SYNPO: variants seen among roughly 807,000 people sequenced by gnomAD.
SYNPO encodes synaptopodin.
In SYNPO, 19 loss-of-function variants were observed where a neutral mutation model predicts 49.5. The observed-to-expected ratio is 0.38, with a 90% CI of 0.27 to 0.56. The LOEUF (loss-of-function observed/expected upper bound fraction) is 0.56, where lower values mean the gene tolerates loss of function less well. Ranked by LOEUF, SYNPO falls within the 20% of genes least tolerant of loss-of-function variation. The pLI is 0.68. For synonymous variants in SYNPO, 536 were observed against 548.0 expected, an observed-to-expected ratio of 0.98 and a Z score of 0.31; for missense variants, 1,131 against 1,248.3, an observed-to-expected ratio of 0.91 and a Z score of 1.42.
intron 1 of SYNPO, among the ~76,000 whole-genome samples, chr5:150,604,567 C>T (rs1005777909): frequency 3.3e-5 from 5 of 151,932 alleles, no homozygotes; most frequent in East Asian, 1.9e-4. Context: ...TAACTTTAGG[C>T]GAGGAAAAAC....
At chr5:150,634,476 G>A (rs1757642612) in intron 2 of SYNPO, among the ~76,000 whole-genome samples, 1 of 152,146 alleles carries the variant, frequency 6.6e-6, no homozygotes, top group South Asian at 2.1e-4. Flanking sequence ...ATGGTGCTAT[G>A]GTAGGCATTT....
chr5:150,592,089 C>T, the SYNPO span, among the ~76,000 whole-genome samples: 2 of 152,012 alleles, frequency 1.3e-5, no homozygotes, highest in Non-Finnish European at 2.9e-5. Flanking sequence ...TGCTTGAACC[C>T]GGGAGACGGA....
At chr5:150,621,167 G>A (rs960099980) in intron 2 of SYNPO, among the ~76,000 whole-genome samples, 1 of 151,944 alleles carries the variant, frequency 6.6e-6, no homozygotes, top group South Asian at 2.1e-4. Flanking sequence ...TGGCCAGGCT[G>A]GCCTCGAACT....
the SYNPO span, among the ~76,000 whole-genome samples, chr5:150,593,438 A>G: frequency 3.9e-5 from 6 of 152,220 alleles, no homozygotes; most frequent in South Asian, 8.3e-4. Context: ...TCTATTTTAT[A>G]TATTCCAGAA....
At chr5:150,650,459 A>T (rs913746215) in intron 2 of SYNPO, 156 bp downstream of exon 2, 1 of 1,523,540 alleles carries the variant, frequency 6.6e-7, no homozygotes, top group Admixed American at 2.0e-5. Context: ...TCAAGGTCAG[A>T]TGCGGCCACC....
At chr5:150,618,314 C>G (rs1757037606) in exon 2 of SYNPO, 2 of 1,508,496 alleles carry the variant, frequency 1.3e-6, no homozygotes, top group Admixed American at 2.2e-5. Flanking sequence ...CAGCCCAGGC[C>G]CTGGCCCAGG....
At position 150,649,405 on chromosome 5, in the gene SYNPO, G is replaced by A. The variant is rs745691549; in HGVS notation, c.1130G>A (p.Arg377His). Reference protein sequence around the residue: ...LEESMARRGSRKSMFTFVEKP... With the variant: ...LEESMARRGSHKSMFTFVEKP... ...GAGTCGATGGCCCGCCGGGGCAGCC[G>A]CAAATCCATGTTTACTTTCGTGGAG... is the stretch of plus-strand genomic sequence containing the variant. Residue 377 changes from arginine (R) to histidine (H), a missense_variant, in exon 2 of 3, where the codon CGC becomes CAC. Arg to His is a conservative substitution (Grantham distance 29). Transcript: ENST00000307662. 146 of 1,614,200 alleles carry A rather than the reference G, an allele frequency of 9.0e-5. 1 individual carries two copies. The highest frequency in any genetic ancestry group is 4.3e-4 in the South Asian group (39 of 91,084).
intron 2 of SYNPO, chr5:150,651,409 G>C: frequency 1.0e-6 from 1 of 1,000,462 alleles, no homozygotes; most frequent in Non-Finnish European, 1.2e-6. Flanking sequence ...CAATCTGTGA[G>C]GATTGAGAGG....
At chr5:150,631,973 C>G (rs906107364) in intron 2 of SYNPO, among the ~76,000 whole-genome samples, 3 of 152,130 alleles carry the variant, frequency 2.0e-5, no homozygotes, top group African/African-American at 7.2e-5. Flanking sequence ...AAGGCCGCCC[C>G]AGACCTACTT....
the SYNPO span, among the ~76,000 whole-genome samples, chr5:150,588,381 C>T: frequency 0.067 from 10,148 of 152,254 alleles, 1,094 homozygotes; most frequent in African/African-American, 0.23. Flanking sequence ...CCCTGGACTT[C>T]TGCAACCCCA....
chr5:150,593,825 G>A, the SYNPO span, among the ~76,000 whole-genome samples: 1 of 152,218 alleles, frequency 6.6e-6, no homozygotes, highest in African/African-American at 2.4e-5. Context: ...GGCTGGAACT[G>A]TGATAAGAAT....
chr5:150,630,343 G>T (rs1415057982), intron 2 of SYNPO, among the ~76,000 whole-genome samples: 1 of 152,194 alleles, frequency 6.6e-6, no homozygotes, highest in African/African-American at 2.4e-5. Context: ...GGTCACACAG[G>T]CAGAGGACAC....
intron 1 of SYNPO, among the ~76,000 whole-genome samples, chr5:150,603,165 A>C (rs1756596528): frequency 6.6e-6 from 1 of 152,216 alleles, no homozygotes; most frequent in Non-Finnish European, 1.5e-5. Flanking sequence ...TTTGGGAAAG[A>C]GATTGTCCCC....
the SYNPO span, among the ~76,000 whole-genome samples, chr5:150,593,480 G>C: frequency 6.6e-6 from 1 of 151,384 alleles, no homozygotes; most frequent in East Asian, 1.9e-4. Context: ...TATTTTTTTT[G>C]AGACAGGGTC....
Position 150,650,306 on chromosome 5 carries a change from G to A in SYNPO, c.2028+3G>A. On this transcript the variant is annotated splice_donor_region_variant and intron_variant, in intron 2 of 2. Coordinates refer to ENST00000307662, the MANE Select transcript of SYNPO (RefSeq NM_007286.6). ...GGAACGCCGGGATCGAGGCTCAGGTGTGGAAGCCTTCCTTCTGCTTCAAGT... is the reference window on the plus strand; with the variant it reads ...GGAACGCCGGGATCGAGGCTCAGGTATGGAAGCCTTCCTTCTGCTTCAAGT... The A allele has an allele frequency of 6.2e-7, 1 of 1,614,140 alleles. No homozygotes were observed. The highest frequency in any genetic ancestry group is 8.5e-7 in the Non-Finnish European group (1 of 1,180,026).
chr5:150,632,874 C>G (rs1043248064), intron 2 of SYNPO, among the ~76,000 whole-genome samples: 4 of 152,162 alleles, frequency 2.6e-5, no homozygotes, highest in Admixed American at 6.5e-5. Flanking sequence ...GAACACCGCC[C>G]TCCTAGCGTG....
Position 150,651,264 on chromosome 5 carries a change from G to T in SYNPO, c.2028+961G>T, listed in dbSNP as rs1758373629. The stretch of plus-strand genomic sequence containing the variant: ...GAAGCCACCTCAGCGCAGTGGAACG[G>T]GGCCCAGGGGGAGGCAGGAGAGGAG... On this transcript the variant is annotated intron_variant, in intron 2 of 2. Coordinates refer to ENST00000307662, the MANE Select transcript of SYNPO (RefSeq NM_007286.6). 3 of 1,001,424 alleles carry T rather than the reference G, an allele frequency of 3.0e-6. No homozygotes were observed. In the South Asian group the frequency reaches 1.4e-4, roughly 47 times the overall value. The allele number at this position is 1,001,424 out of a possible 1,614,324, so 62.0% of individuals were successfully genotyped here. A position where few individuals can be genotyped will look rare whatever the true frequency, so the allele number is the denominator to read the frequency against.
chr5:150,635,664 T>C (rs548252273), upstream of SYNPO, among the ~76,000 whole-genome samples: 1 of 152,328 alleles, frequency 6.6e-6, no homozygotes, highest in South Asian at 2.1e-4. Flanking sequence ...GGTTTCACCA[T>C]GTTGGCCAGG....
the SYNPO span, among the ~76,000 whole-genome samples, chr5:150,594,584 C>T: frequency 6.6e-6 from 1 of 152,176 alleles, no homozygotes; most frequent in African/African-American, 2.4e-5. Flanking sequence ...CTCAGTTTCC[C>T]CAACTGTAAG....
Sources: gnomAD v4.1 joint callset for allele counts (sites outside exome capture counted in the v4.1 genomes callset) on GRCh38, gnomAD v4.1.1 for gene constraint, MANE v1.5 for transcripts, NCBI Gene and HGNC (gene_info 2026-07-23, HGNC 2026-07-21) for gene names.